The following CBFA2T3 variants were observed in gnomAD, a reference collection of about 807,000 sequenced individuals.
The protein encoded by CBFA2T3 is transcriptional corepressor CBFA2T3.
Under a neutral mutation model 58.6 loss-of-function variants are expected in CBFA2T3, and 31 were observed. The observed-to-expected ratio is 0.53, with a 90% CI of 0.40 to 0.71. The LOEUF (loss-of-function observed/expected upper bound fraction) is 0.71, where lower values mean the gene tolerates loss of function less well. CBFA2T3 is among the 30% of genes least tolerant of loss of function. CBFA2T3 has a pLI of 0.00. For synonymous variants in CBFA2T3, 531 were observed against 421.9 expected (o/e 1.26, Z -3.17); for missense variants, 1,076 against 963.1 (o/e 1.12, Z -1.55).
Position 88,894,104 on chromosome 16 carries a change from G to A in CBFA2T3, c.380-1619C>T, listed in dbSNP as rs111902896. Among the ~76,000 whole-genome samples, 1,067 of 152,240 alleles carry A rather than the reference G, an allele frequency of 7.0e-3. 10 individuals are homozygous for A. The highest frequency in any genetic ancestry group is 0.024 in the African/African-American group (998 of 41,518). Reference sequence around the variant, plus strand: ...GTACCAACTCCCCTGCCCTCAGAGCGAGCCCTCCATTTCCCTGCCTCCACT... The same window carrying A: ...GTACCAACTCCCCTGCCCTCAGAGCAAGCCCTCCATTTCCCTGCCTCCACT... On this transcript the variant is annotated intron_variant, in intron 3 of 11. Transcript: ENST00000268679.
In CBFA2T3 at chr16:88,885,653, T is replaced by C. The variant is rs2142554852; in HGVS notation, c.893+308A>G. The C allele has an allele frequency of 4.6e-6, 2 of 432,340 alleles. No homozygotes were observed. The highest frequency in any genetic ancestry group is 6.5e-5 in the South Asian group (2 of 30,640). The allele number at this position is 432,340 out of a possible 1,614,324, so 26.8% of individuals were successfully genotyped here. A position where few individuals can be genotyped will look rare whatever the true frequency, so the allele number is the denominator to read the frequency against. The stretch of plus-strand genomic sequence containing the variant: ...GCAGAGGGGGCCCAGCCCAGGCACC[T>C]GGGGACCATGGACCCCGGACGCTCG... On this transcript the variant is annotated intron_variant, in intron 6 of 11. Coordinates refer to ENST00000268679, the MANE Select transcript of CBFA2T3 (RefSeq NM_005187.6). The surrounding 1 kb of genome is among the most constrained non-coding windows in gnomAD (Gnocchi z 5.3).
At chr16:88,895,831 GGAGT>G (rs1969868079) in intron 3 of CBFA2T3, among the ~76,000 whole-genome samples, 1 of 152,196 alleles carries the variant, frequency 6.6e-6, no homozygotes, top group Admixed American at 6.5e-5. Context: ...GCCCTGGTTA[GGAGT>G]GAGGACCGGC....
At chr16:88,899,511 C>G (rs1970017901) in intron 2 of CBFA2T3, among the ~76,000 whole-genome samples, 1 of 152,194 alleles carries the variant, frequency 6.6e-6, no homozygotes, top group African/African-American at 2.4e-5. Flanking sequence ...CCAAGGCGGG[C>G]TGGGAGTGGA....
At chr16:88,920,181 G>T (rs74902377) in intron 1 of CBFA2T3, among the ~76,000 whole-genome samples, 4,913 of 152,316 alleles carry the variant, frequency 0.032, 158 homozygotes, top group African/African-American at 0.079. Flanking sequence ...GTGCAACGGT[G>T]GAATGTTCTA....
chr16:88,970,054 C>T (rs927807566), intron 1 of CBFA2T3, among the ~76,000 whole-genome samples: 3 of 152,164 alleles, frequency 2.0e-5, no homozygotes, highest in African/African-American at 7.2e-5. Flanking sequence ...AAGGGGGCGC[C>T]TGGAAAAGCT....
At chr16:88,937,452 T>G (rs547409667) in intron 1 of CBFA2T3, 391 of 152,688 alleles carry the variant, frequency 2.6e-3, no homozygotes, top group Admixed American at 5.2e-3. Context: ...GCCCACAGTG[T>G]GCACTGGACT....
chr16:88,877,673 A>C (rs1597651072), intron 11 of CBFA2T3, among the ~76,000 whole-genome samples: 2 of 145,766 alleles, frequency 1.4e-5, no homozygotes, highest in Non-Finnish European at 3.0e-5. Context: ...CCCCCTCCCC[A>C]CCTCTGCCCC....
At chr16:88,895,266 C>T (rs1489715907) in intron 3 of CBFA2T3, among the ~76,000 whole-genome samples, 1 of 152,216 alleles carries the variant, frequency 6.6e-6, no homozygotes, top group Non-Finnish European at 1.5e-5. Flanking sequence ...AGTGTCCCTC[C>T]AGTAACCTTT....
rs1024437242 is a variant in CBFA2T3 at position 88,964,823 on chromosome 16, CATCT to C, written c.151+11830_151+11833del. Reference sequence around the variant, plus strand: ...CCATCCAGTCACCCATCTATTCATCCATCTATCTATCCACCCACCCATCCATCCA... The same window carrying C: ...CCATCCAGTCACCCATCTATTCATCCATCTATCCACCCACCCATCCATCCA... On this transcript the variant is annotated intron_variant, in intron 1 of 11. Transcript: ENST00000268679. Among the ~76,000 whole-genome samples the C allele has an allele frequency of 8.8e-4, 134 of 151,628 alleles. 1 individual carries two copies. In the Middle Eastern group the frequency reaches 0.031, roughly 35 times the overall value.
chr16:88,931,406 G>C (rs1401474653), intron 1 of CBFA2T3, among the ~76,000 whole-genome samples: 1 of 152,126 alleles, frequency 6.6e-6, no homozygotes, highest in African/African-American at 2.4e-5. Context: ...ACACCCTTAA[G>C]GGTGGGAAGC....
At position 88,890,850 on chromosome 16, in the gene CBFA2T3, G is replaced by A. The variant is rs542809885; in HGVS notation, c.711+1032C>T. 1.2e-4 allele frequency among the ~76,000 whole-genome samples: 18 copies of A among 152,300 alleles called. No individual in the cohort carries two copies. In the East Asian group the frequency reaches 1.4e-3, roughly 11 times the overall value. On this transcript the variant is annotated intron_variant, in intron 5 of 11. Coordinates refer to ENST00000268679, the MANE Select transcript of CBFA2T3 (RefSeq NM_005187.6). ...TCCCACCTCAGCCTCCCGGGTAGCTGGGATCATAGGTGCATACAACGCTCA... is the reference window on the plus strand; with the variant it reads ...TCCCACCTCAGCCTCCCGGGTAGCTAGGATCATAGGTGCATACAACGCTCA...
intron 1 of CBFA2T3, among the ~76,000 whole-genome samples, chr16:88,928,172 C>G (rs1191985790): frequency 6.6e-6 from 1 of 152,240 alleles, no homozygotes; most frequent in African/African-American, 2.4e-5. Context: ...CTGAGCACCA[C>G]CAGGGTTGCC....
chr16:88,924,913 A>G (rs1190601356), intron 1 of CBFA2T3, among the ~76,000 whole-genome samples: 1 of 152,234 alleles, frequency 6.6e-6, no homozygotes, highest in Non-Finnish European at 1.5e-5. Flanking sequence ...CCAAGGCCAC[A>G]GAGCCACACT....
chr16:88,896,603 G>A (rs12448682), intron 3 of CBFA2T3, among the ~76,000 whole-genome samples: 22,195 of 152,068 alleles, frequency 0.15, 1,875 homozygotes, highest in African/African-American at 0.23. Context: ...CACACACCCC[G>A]TCAAGACTGA....
chr16:88,956,483 C>T lies in CBFA2T3; in HGVS notation c.151+20174G>A, dbSNP rs577451949. 5.9e-5 allele frequency among the ~76,000 whole-genome samples: 9 copies of T among 152,378 alleles called. 1 individual carries two copies. The South Asian group carries it at 1.4e-3, about 25-fold the overall frequency. ...TCCCGGAGGGTGGAGGGTAGAGGAA[C>T]GCGGAGCTTCTACTGGCCTCACAGG... On this transcript the variant is annotated intron_variant, in intron 1 of 11. Transcript: ENST00000268679.
chr16:88,903,437 G>A (rs1441406393), intron 1 of CBFA2T3, among the ~76,000 whole-genome samples: 1 of 152,130 alleles, frequency 6.6e-6, no homozygotes, highest in Non-Finnish European at 1.5e-5. Flanking sequence ...CAGGCCTCGC[G>A]GCACCTGCTG....
chr16:88,929,895 A>C (rs1331088917), intron 1 of CBFA2T3, among the ~76,000 whole-genome samples: 2 of 144,848 alleles, frequency 1.4e-5, no homozygotes, highest in Non-Finnish European at 2.9e-5. Flanking sequence ...AAAAGTCACC[A>C]ATACCCACAG....
At chr16:88,951,073 C>T (rs1292092376) in intron 1 of CBFA2T3, 1 of 380,162 alleles carries the variant, frequency 2.6e-6, no homozygotes, top group Non-Finnish European at 5.2e-6. Context: ...ATCTGTTCAC[C>T]CCTCCCCTGG....
rs62045814 is a variant in CBFA2T3 at position 88,975,139 on chromosome 16, G to T, written c.151+1518C>A. ...CACCCTGGCCCTCTGCTCCTGACCT[G>T]CAGCCATGTCAGAGGTCCACCCTGA... On this transcript the variant is annotated intron_variant, in intron 1 of 11. Transcript: ENST00000268679. Among the ~76,000 whole-genome samples, 21 of 103,256 alleles carry T rather than the reference G, an allele frequency of 2.0e-4. 1 individual carries two copies. The highest frequency in any genetic ancestry group is 1.2e-3 in the Admixed American group (11 of 8,962). 67.7% of individuals were successfully genotyped at this position (103,256 alleles called of 152,430 possible).
Sources: allele counts gnomAD v4.1 joint callset (sites outside exome capture counted in the v4.1 genomes callset), GRCh38; gene constraint gnomAD v4.1.1; non-coding constraint Gnocchi (gnomAD v3.1); transcripts MANE v1.5; gene names NCBI Gene and HGNC (gene_info 2026-07-23, HGNC 2026-07-21).